Variants in DLL3 observed in about 807,000 individuals in gnomAD.
The protein encoded by DLL3 is delta like canonical Notch ligand 3.
A neutral mutation model predicts 55.0 loss-of-function variants in DLL3; 49 were observed. The ratio of observed to expected loss-of-function variants is 0.89; its 90% confidence interval spans 0.71 to 1.13. DLL3 has a LOEUF of 1.13. DLL3 is among the 50% of genes most tolerant of loss of function. The pLI, the probability that DLL3 is intolerant of heterozygous loss-of-function variation, is 0.00. For missense variants in DLL3, 962 were observed against 875.5 expected, an observed-to-expected ratio of 1.10 and a Z score of -1.25; for synonymous variants, 421 against 385.2, an observed-to-expected ratio of 1.09 and a Z score of -1.09.
chr19:39,500,946 G>A (rs1041619458), intron 3 of DLL3, among the ~76,000 whole-genome samples: 3 of 152,036 alleles, frequency 2.0e-5, no homozygotes, highest in African/African-American at 7.2e-5. Flanking sequence ...CTTATCATCT[G>A]ATGTTGAGAG....
chr19:39,500,212 G>A (rs1018522524), intron 2 of DLL3, among the ~76,000 whole-genome samples: 29 of 150,988 alleles, frequency 1.9e-4, no homozygotes, highest in African/African-American at 7.0e-4. Context: ...AGGATCTCCT[G>A]AGCCCGGCAG....
chr19:39,507,786 G>T (rs1402137431), intron 7 of DLL3, 44 bp from the exon 8 acceptor site: 1 of 1,613,316 alleles, frequency 6.2e-7, no homozygotes, highest in Non-Finnish European at 8.5e-7. Flanking sequence ...CAAGATCTGA[G>T]AATTTAAAGA....
Position 39,507,510 on chromosome 19 carries a change from AG to A in DLL3, c.1567del (p.Asp523MetfsTer25). 6.2e-7 allele frequency: 1 copy of A among 1,600,506 alleles called. No individual in the cohort carries two copies. Among genetic ancestry groups the A allele is most frequent in the Non-Finnish European group, 8.5e-7 (1 of 1,174,684 alleles). ...LVHVRRRGHS[Q>X]DAGSRLLAGT... is the part of the protein sequence containing the mutation. ...CACGTGCGCCGCCGTGGCCACTCCC[AG>A]GATGCTGGGTCTCGCTTGCTGGCTG... On this transcript the variant is annotated frameshift_variant, in exon 7 of 9. Transcript: ENST00000356433. LOFTEE classifies it high-confidence loss of function.
chr19:39,506,773 G>C (rs998687364), intron 6 of DLL3, among the ~76,000 whole-genome samples: 15 of 152,164 alleles, frequency 9.9e-5, no homozygotes, highest in East Asian at 3.8e-4. Context: ...CGTAGTTCTG[G>C]GAGCTGTCTA....
rs994006879 is a variant in DLL3, at chr19:39,499,345, T to A, written c.223T>A (p.Ser75Thr). 1 of 1,553,250 alleles carries A rather than the reference T, an allele frequency of 6.4e-7. No individual in the cohort carries two copies. The highest frequency in any genetic ancestry group is 1.2e-5 in the South Asian group (1 of 85,540). Reference protein sequence around the residue: ...KPGLSEEAAESPCALGAALSA... With the variant: ...KPGLSEEAAETPCALGAALSA... ...TGGGCTCTCAGAGGAGGCCGCCGAG[T>A]CCCCGTGCGCCCTGGGCGCGGCGCT... The change falls in exon 2 of 9, where the codon TCC (serine) becomes ACC (threonine). Residue 75 changes from serine (S) to threonine (T), a missense_variant. Physicochemically the swap from Ser to Thr is moderately conservative, Grantham distance 58. Transcript: ENST00000356433.
At position 39,507,050 on chromosome 19, in the gene DLL3, C is replaced by G. The variant is rs1459587773; in HGVS notation, c.1105C>G (p.Leu369Val). The G allele has an allele frequency of 1.3e-6, 2 of 1,537,302 alleles. No individual in the cohort carries two copies. Among genetic ancestry groups the G allele is most frequent in the Non-Finnish European group, 1.7e-6 (2 of 1,148,306 alleles). The change falls in exon 7 of 9, where the codon CTG becomes GTG. Residue 369 changes from leucine to valine, a missense_variant. Physicochemically the swap from Leu to Val is conservative, Grantham distance 32 (BLOSUM62 1). Coordinates refer to ENST00000356433, the MANE Select transcript of DLL3 (RefSeq NM_203486.3). ...LQPCRNGGLC[L>V]DLGHALRCRC... ...TCCCTTCCCCACAGGCGGACTCTGC[C>G]TGGACCTGGGCCACGCCCTGCGCTG...
chr19:39,499,517 C>A, intron 2 of DLL3, 44 bp downstream of exon 2: 3 of 1,559,444 alleles, frequency 1.9e-6, no homozygotes, highest in Admixed American at 1.8e-5. Flanking sequence ...GAGGCCTAAC[C>A]CTGCCAGCGA....
chr19:39,507,224 C>G lies in DLL3; in HGVS notation c.1279C>G (p.Arg427Gly), dbSNP rs1302400216. 1 of 1,368,114 alleles carries G rather than the reference C, an allele frequency of 7.3e-7. No individual in the cohort carries two copies. The highest frequency in any genetic ancestry group is 9.4e-7 in the Non-Finnish European group (1 of 1,069,276). The allele number at this position is 1,368,114 out of a possible 1,614,324, so 84.7% of individuals were successfully genotyped here. Residue 427 changes from arginine (R) to glycine (G), a missense_variant, in exon 7 of 9, where the codon CGC becomes GGC. By Grantham distance (125) the Arg-to-Gly change is moderately radical. Transcript: ENST00000356433. ...CALGFGGRDC[R>G]ERADPCAARP... ...GCTGGGCTTCGGCGGCCGCGACTGC[C>G]GCGAGCGCGCGGACCCGTGCGCCGC...
At chr19:39,499,068 T>A in intron 1 of DLL3, 25 bp downstream of exon 1, 1 of 1,613,004 alleles carries the variant, frequency 6.2e-7, no homozygotes, top group South Asian at 1.1e-5. Flanking sequence ...GGAGGTGGCG[T>A]GGAAAGGGAT....
rs765398793 is a variant in DLL3, at chr19:39,504,238, G to C, written c.820G>C (p.Gly274Arg). 2 of 1,613,080 alleles carry C rather than the reference G, an allele frequency of 1.2e-6. No homozygotes were observed. The highest frequency in any genetic ancestry group is 1.6e-4 in the Middle Eastern group (1 of 6,062). ...SSATTGCLVPGPGPCDGNPCA... is the reference protein window; with the variant it reads ...SSATTGCLVPRPGPCDGNPCA... ...TGCTACCACCGGATGCCTTGTCCCT[G>C]GGCCTGGGCCCTGTGACGGGAACCC... Residue 274 changes from glycine to arginine, a missense_variant, in exon 5 of 9, where the codon GGG (glycine) becomes CGG (arginine). By Grantham distance (125) the Gly-to-Arg change is moderately radical. Coordinates refer to ENST00000356433, the MANE Select transcript of DLL3 (RefSeq NM_203486.3).
chr19:39,503,247 C>T (rs1384055020), intron 4 of DLL3, among the ~76,000 whole-genome samples, 190 bp downstream of exon 4: 1 of 152,152 alleles, frequency 6.6e-6, no homozygotes, highest in Non-Finnish European at 1.5e-5. Context: ...CGGATGTATC[C>T]CAAACCCCGC....
In DLL3 at chr19:39,507,424, G is replaced by A. The variant is rs1250832439; in HGVS notation, c.1479G>A (p.Leu493=). ...CCGGGGACCCTCAGCGCTACCTTTTGCCTCCGGCTCTGGGACTGCTCGTGG... is the reference window on the plus strand; with the variant it reads ...CCGGGGACCCTCAGCGCTACCTTTTACCTCCGGCTCTGGGACTGCTCGTGG... ...LRPGDPQRYL[L]PPALGLLVAA... The change falls in exon 7 of 9, where the codon TTG becomes TTA. Residue 493 remains leucine, a synonymous_variant. Transcript: ENST00000356433. The A allele has an allele frequency of 5.7e-6, 9 of 1,592,188 alleles. No individual in the cohort carries two copies. In the East Asian group the frequency reaches 1.1e-4, roughly 20 times the overall value.
Position 39,500,662 on chromosome 19 carries a change from CCA to C in DLL3, c.400_401del (p.Gln134AspfsTer81), listed in dbSNP as rs2079605127. ...IETWREELGD[Q>X]IGGPAWSLLA... is the part of the protein sequence containing the mutation. The stretch of plus-strand genomic sequence containing the variant: ...AAACCTGGAGAGAGGAGTTAGGAGA[CCA>C]GATTGGAGGTGAGTGTCTTCAGTCT... On this transcript the variant is annotated frameshift_variant, in exon 3 of 9. Transcript: ENST00000356433. LOFTEE classifies it high-confidence loss of function. 6.2e-7 allele frequency: 1 copy of C among 1,613,438 alleles called. No individual in the cohort carries two copies. The highest frequency in any genetic ancestry group is 1.7e-5 in the Admixed American group (1 of 59,962).
At position 39,507,987 on chromosome 19, in the gene DLL3, C is replaced by A. The variant is rs754000867; in HGVS notation, c.1758+73C>A. 2.5e-6 allele frequency: 4 copies of A among 1,613,830 alleles called. No homozygotes were observed. The South Asian group carries it at 3.3e-5, about 13-fold the overall frequency. ...GAGGCAGCACCTGCTTTTTCCCTAC[C>A]CTTCCTCGATTCTGTCCGTGAAATG... is the stretch of plus-strand genomic sequence containing the variant. On this transcript the variant is annotated intron_variant, in intron 8 of 8. Coordinates refer to ENST00000356433, the MANE Select transcript of DLL3 (RefSeq NM_203486.3).
At chr19:39,499,636 A>G (rs775285697) in intron 2 of DLL3, among the ~76,000 whole-genome samples, 163 bp downstream of exon 2, 7 of 152,100 alleles carry the variant, frequency 4.6e-5, no homozygotes, top group Non-Finnish European at 8.8e-5. Flanking sequence ...CCACATTCAC[A>G]GACCTCTAAA....
intron 3 of DLL3, among the ~76,000 whole-genome samples, chr19:39,502,315 A>T (rs1264031984): frequency 6.6e-6 from 1 of 151,660 alleles, no homozygotes; most frequent in Admixed American, 6.6e-5. Flanking sequence ...CCCAGGCTGG[A>T]GTGCGATGGC....
rs1409790195 is a variant in DLL3 at position 39,502,673 on chromosome 19, C to G, written c.410-142C>G. On this transcript the variant is annotated intron_variant, in intron 3 of 8. Transcript: ENST00000356433. ...AGTAGAGGGTGACTGCCATTCTACT[C>G]GCGAGGTCCAAGGACCCCAGGGCTC... 3.7e-6 allele frequency: 4 copies of G among 1,068,488 alleles called. No individual in the cohort carries two copies. The Admixed American group carries it at 1.3e-4, about 35-fold the overall frequency. 66.2% of individuals were successfully genotyped at this position (1,068,488 alleles called of 1,614,324 possible).
At chr19:39,499,679 T>G (rs1443358010) in intron 2 of DLL3, among the ~76,000 whole-genome samples, 1 of 152,062 alleles carries the variant, frequency 6.6e-6, no homozygotes, top group Non-Finnish European at 1.5e-5. Flanking sequence ...ATGTTCTGAT[T>G]CCCCAACCCT....
intron 3 of DLL3, 87 bp from the exon 4 acceptor site, chr19:39,502,728 G>C (rs1233776397): frequency 3.9e-6 from 5 of 1,278,912 alleles, no homozygotes; most frequent in African/African-American, 1.6e-5. Flanking sequence ...CGCTGGGAGG[G>C]GCGGGGAGAA....
Sources: allele counts gnomAD v4.1 joint callset (sites outside exome capture counted in the v4.1 genomes callset), GRCh38; gene constraint gnomAD v4.1.1; transcripts MANE v1.5; gene names NCBI Gene and HGNC (gene_info 2026-07-23, HGNC 2026-07-21).